Variants in KIFC2 observed in about 807,000 individuals in gnomAD.
KIFC2 encodes kinesin-like protein KIFC2.
Under a neutral mutation model 91.5 loss-of-function variants are expected in KIFC2, and 94 were observed. The ratio of observed to expected loss-of-function variants is 1.03; its 90% CI spans 0.87 to 1.22. The LOEUF (loss-of-function observed/expected upper bound fraction) is 1.22. Ranked by LOEUF, KIFC2 falls within the 50% of genes most tolerant of loss-of-function variation. The pLI is 0.00. For synonymous variants in KIFC2, 729 were observed against 503.9 expected (o/e 1.45, Z -5.98); for missense variants, 1,357 against 1,103.3 (o/e 1.23, Z -3.26).
chr8:144,466,453 T>G lies in KIFC2; in HGVS notation c.34T>G (p.Phe12Val). 7.4e-7 allele frequency: 1 copy of G among 1,358,596 alleles called. No homozygotes were observed. 84.2% of individuals were successfully genotyped at this position (1,358,596 alleles called of 1,614,324 possible). The change falls in exon 1 of 18, where the codon TTC (phenylalanine) becomes GTC (valine). Residue 12 changes from phenylalanine (F) to valine (V), a missense_variant. Coordinates refer to ENST00000645548, the MANE Select transcript of KIFC2 (RefSeq NM_001369769.2). ...CTTTTACTCGTTGCTCATCTACATC[T>G]TCTACAGCCTCTTCCGCAGGGATGG... ...YAFYSLLIYI[F>V]YSLFRRDGGA...
chr8:144,469,758 G>A (rs1400402706), intron 12 of KIFC2, 111 bp downstream of exon 12: 1 of 1,358,378 alleles, frequency 7.4e-7, no homozygotes, highest in Non-Finnish European at 9.9e-7. Flanking sequence ...AGGAGAGAGG[G>A]TGGCTGGGCT....
chr8:144,470,273 T>C (rs557131453), intron 12 of KIFC2, among the ~76,000 whole-genome samples: 1 of 152,342 alleles, frequency 6.6e-6, no homozygotes, highest in East Asian at 1.9e-4. Context: ...TGATTGCCTC[T>C]TTTCCAACCA....
At chr8:144,469,692 C>T (rs1014993871) in intron 12 of KIFC2, 45 bp downstream of exon 12, 8 of 1,534,706 alleles carry the variant, frequency 5.2e-6, no homozygotes, top group Admixed American at 2.0e-5. Context: ...TTTCAGAGTT[C>T]CCTGAAGAGC....
In KIFC2 at chr8:144,473,216, G is replaced by C. The variant is rs201531388; in HGVS notation, c.2203G>C (p.Ala735Pro). ...AGTGGGTCAAGTGGAGCTGGGGCCA[G>C]CCCGGCGCCGCAGGGTCCCGCGCTC... ...DRVGQVELGP[A>P]RRRRVPRSSG... Residue 735 changes from alanine to proline, a missense_variant, in exon 18 of 18, where the codon GCC becomes CCC. By Grantham distance (27) the Ala-to-Pro change is conservative (BLOSUM62 -1). Coordinates refer to ENST00000645548, the MANE Select transcript of KIFC2 (RefSeq NM_001369769.2). 2.0e-4 allele frequency: 315 copies of C among 1,591,510 alleles called. No homozygotes were observed. The highest frequency in any genetic ancestry group is 1.4e-3 in the Admixed American group (81 of 57,412).
At chr8:144,473,100 C>T (rs944481496) in intron 17 of KIFC2, 32 bp from the exon 18 acceptor site, 1 of 1,540,068 alleles carries the variant, frequency 6.5e-7, no homozygotes, top group Non-Finnish European at 8.7e-7. Flanking sequence ...GCCGCCCACC[C>T]GGGCCCGCCC....
Position 144,473,464 on chromosome 8 carries a change from C to T in KIFC2, c.*75C>T, listed in dbSNP as rs752298180. 50 of 1,472,006 alleles carry T rather than the reference C, an allele frequency of 3.4e-5. No individual in the cohort carries two copies. Among genetic ancestry groups the T allele is most frequent in the South Asian group, 8.2e-5 (6 of 73,470 alleles). 91.2% of individuals were successfully genotyped at this position (1,472,006 alleles called of 1,614,324 possible). ...CAGAGGCGGTAGTAAAGTCCCTGTA[C>T]CCCGTCTCCCAGGGCACAAGCTCCC... On this transcript the variant is annotated 3_prime_UTR_variant, in exon 18 of 18. Coordinates refer to ENST00000645548, the MANE Select transcript of KIFC2 (RefSeq NM_001369769.2).
Position 144,466,925 on chromosome 8 carries a change from C to A in KIFC2, c.179-34C>A, listed in dbSNP as rs762573113. 22 of 1,576,150 alleles carry A rather than the reference C, an allele frequency of 1.4e-5. 1 individual carries two copies. Among genetic ancestry groups the A allele is most frequent in the Non-Finnish European group, 1.8e-5 (21 of 1,168,534 alleles). On this transcript the variant is annotated intron_variant, in intron 2 of 17. Transcript: ENST00000645548. ...GGAGGCCTGGCTCAAGCACGTGACCCGAAATGTCTCCCGCCCTCCTCCCTG... is the reference window on the plus strand; with the variant it reads ...GGAGGCCTGGCTCAAGCACGTGACCAGAAATGTCTCCCGCCCTCCTCCCTG...
intron 7 of KIFC2, 145 bp from the exon 8 acceptor site, chr8:144,468,184 G>A (rs545095097): frequency 6.9e-6 from 7 of 1,021,110 alleles, no homozygotes; most frequent in Admixed American, 4.9e-5. Context: ...AGAGCAGAGG[G>A]ACTGTGGGAA....
Position 144,466,858 on chromosome 8 carries a change from C to T in KIFC2, c.178+20C>T. On this transcript the variant is annotated intron_variant, in intron 2 of 17. Transcript: ENST00000645548. ...TGGCCGGTAGGTGCGGGCTGGGAGT[C>T]CCGCGGTGCGAGGGCGGTGCCGGGA... 6.5e-7 allele frequency: 1 copy of T among 1,536,612 alleles called. No homozygotes were observed. The highest frequency in any genetic ancestry group is 8.7e-7 in the Non-Finnish European group (1 of 1,147,870).
chr8:144,472,373 T>C lies in KIFC2; in HGVS notation c.1620T>C (p.Ala540=), dbSNP rs1824961820. Residue 540 remains alanine, a synonymous_variant, in exon 15 of 18, where the codon GCT becomes GCC. Transcript: ENST00000645548. ...IYNEAVRDLL[A]PGPPERLAVR... is the part of the protein sequence containing the mutation. The stretch of plus-strand genomic sequence containing the variant: ...CCTTTCTCACCAGGGACCTCCTTGC[T>C]CCAGGGCCTCCCGAGCGCCTGGCCG... The C allele has an allele frequency of 6.2e-7, 1 of 1,613,144 alleles. No individual in the cohort carries two copies. Among genetic ancestry groups the C allele is most frequent in the Non-Finnish European group, 8.5e-7 (1 of 1,179,912 alleles).
At position 144,468,518 on chromosome 8, in the gene KIFC2, T is replaced by TG; in HGVS notation, c.889-14dup. 1 of 334,712 alleles carries TG rather than the reference T, an allele frequency of 3.0e-6. No homozygotes were observed. Among genetic ancestry groups the TG allele is most frequent in the Non-Finnish European group, 3.8e-6 (1 of 261,080 alleles). The allele number at this position is 334,712 out of a possible 1,614,324, so 20.7% of individuals were successfully genotyped here. On this transcript the variant is annotated splice_polypyrimidine_tract_variant and intron_variant, in intron 8 of 17. Transcript: ENST00000645548. ...GTGCCTGTTTCCTCAGTGACAGGGG[T>TG]GGGGTTGGGCGGGGCAGCTGGGGGT...
Position 144,467,465 on chromosome 8 carries a change from C to A in KIFC2, c.470-20C>A. The A allele has an allele frequency of 6.5e-7, 1 of 1,549,798 alleles. No homozygotes were observed. Among genetic ancestry groups the A allele is most frequent in the Non-Finnish European group, 8.7e-7 (1 of 1,151,356 alleles). On this transcript the variant is annotated intron_variant, in intron 4 of 17. Transcript: ENST00000645548. ...GGACTAGAGACCTCTTCAGTGCTAA[C>A]TGGGCCCACCCTACTCCAGGATCCA...
rs529581114 is a variant in KIFC2, at chr8:144,467,522, C to A, written c.507C>A (p.Thr169=). The A allele has an allele frequency of 6.9e-6, 11 of 1,596,508 alleles. No homozygotes were observed. The South Asian group carries it at 1.2e-4, about 18-fold the overall frequency. The stretch of plus-strand genomic sequence containing the variant: ...AAGAAGAAAGCCCTTCCCACTTCAC[C>A]GCAGTCCCAGGCGAGCCACTGGGGG... ...TSQEESPSHF[T]AVPGEPLGDE... is the part of the protein sequence containing the mutation. The change falls in exon 5 of 18, where the codon ACC becomes ACA. Residue 169 remains threonine, a synonymous_variant. Transcript: ENST00000645548.
rs370114230 is a variant in KIFC2, at chr8:144,472,391, C to T, written c.1638C>T (p.Arg546=). 1.2e-6 allele frequency: 2 copies of T among 1,613,192 alleles called. No homozygotes were observed. The highest frequency in any genetic ancestry group is 1.3e-5 in the African/African-American group (1 of 74,936). Reference sequence around the variant, plus strand: ...TCCTTGCTCCAGGGCCTCCCGAGCGCCTGGCCGTGAGGCAGGGCCCAGAAG... The same window carrying T: ...TCCTTGCTCCAGGGCCTCCCGAGCGTCTGGCCGTGAGGCAGGGCCCAGAAG... ...RDLLAPGPPE[R]LAVRQGPEGQ... Residue 546 remains arginine (R), a synonymous_variant, in exon 15 of 18, where the codon CGC becomes CGT. Transcript: ENST00000645548.
intron 12 of KIFC2, 149 bp downstream of exon 12, chr8:144,469,796 G>A (rs1452712389): frequency 3.9e-6 from 4 of 1,028,842 alleles, no homozygotes; most frequent in Non-Finnish European, 4.1e-6. Context: ...GGAACCGAGG[G>A]GGCTGGGAAG....
chr8:144,468,021 G>C, intron 7 of KIFC2, 34 bp downstream of exon 7: 1 of 1,504,282 alleles, frequency 6.6e-7, no homozygotes, highest in East Asian at 2.4e-5. Context: ...CGTTCCTGCA[G>C]CCTGGGGCTC....
At position 144,473,669 on chromosome 8, in the gene KIFC2, C is replaced by T. The variant is rs370078082; in HGVS notation, c.*280C>T. ...TTATCACGGCACACAGCAGGGAATC[C>T]CAGGCCCCCCCGCCAAGTGGTTACC... On this transcript the variant is annotated 3_prime_UTR_variant, in exon 18 of 18. Transcript: ENST00000645548. The T allele has an allele frequency of 2.0e-6, 1 of 494,380 alleles. No homozygotes were observed. Among genetic ancestry groups the T allele is most frequent in the East Asian group, 3.4e-5 (1 of 29,156 alleles). The allele number at this position is 494,380 out of a possible 1,614,324, so 30.6% of individuals were successfully genotyped here. A position where few individuals can be genotyped will look rare whatever the true frequency, so the allele number is the denominator to read the frequency against.
Position 144,466,441 on chromosome 8 carries a change from C to T in KIFC2, c.22C>T (p.Leu8Phe), listed in dbSNP as rs375550731. Residue 8 changes from leucine (L) to phenylalanine (F), a missense_variant, in exon 1 of 18, where the codon CTC becomes TTC. Transcript: ENST00000645548. The part of the protein sequence containing the change: MYAFYSL[L>F]IYIFYSLFRR... ...TCCCATGTACGCCTTTTACTCGTTG[C>T]TCATCTACATCTTCTACAGCCTCTT... 37 of 1,361,468 alleles carry T rather than the reference C, an allele frequency of 2.7e-5. No homozygotes were observed. The highest frequency in any genetic ancestry group is 8.1e-5 in the South Asian group (5 of 61,568). The allele number at this position is 1,361,468 out of a possible 1,614,324, so 84.3% of individuals were successfully genotyped here.
At chr8:144,469,190 C>T in intron 10 of KIFC2, 81 bp from the exon 11 acceptor site, 3 of 1,186,128 alleles carry the variant, frequency 2.5e-6, no homozygotes, top group Non-Finnish European at 3.6e-6. Flanking sequence ...GGGCTCCCTG[C>T]TGCTCTCAGG....
Sources: gnomAD v4.1 joint callset for allele counts (sites outside exome capture counted in the v4.1 genomes callset) on GRCh38, gnomAD v4.1.1 for gene constraint, MANE v1.5 for transcripts, NCBI Gene and HGNC (gene_info 2026-07-23, HGNC 2026-07-21) for gene names.